The following TCF7L2 variants were observed in gnomAD, a reference collection of about 807,000 sequenced individuals.
TCF7L2 encodes the protein transcription factor 7 like 2.
Under a neutral mutation model 77.9 loss-of-function variants are expected in TCF7L2, and 23 were observed. The observed-to-expected ratio is 0.30, with a 90% CI of 0.21 to 0.42. The LOEUF (loss-of-function observed/expected upper bound fraction) is 0.42. Among genes scored for constraint, TCF7L2 ranks in the 10% least tolerant of loss-of-function variants. The probability of loss-of-function intolerance (pLI) is 1.00; values close to 1 mark genes in which losing one functional copy is unlikely to be tolerated. For missense variants in TCF7L2, 654 were observed against 793.1 expected, an observed-to-expected ratio of 0.82 and a Z score of 2.11; for synonymous variants, 413 against 340.2, an observed-to-expected ratio of 1.21 and a Z score of -2.36.
intron 5 of TCF7L2, among the ~76,000 whole-genome samples, chr10:113,113,102 A>G (rs2063330356): frequency 6.6e-6 from 1 of 152,140 alleles, no homozygotes; most frequent in African/African-American, 2.4e-5. Flanking sequence ...TAGGGACCTC[A>G]TGAGTGACAG....
At chr10:112,951,059 C>A in intron 1 of TCF7L2, 114 bp downstream of exon 1, 1 of 1,381,536 alleles carries the variant, frequency 7.2e-7, no homozygotes, top group Non-Finnish European at 9.8e-7. Flanking sequence ...CGGCGGGCGG[C>A]GTGTGCGTAC....
rs1166290875 is a variant in TCF7L2 at position 113,053,252 on chromosome 10, A to G, written c.552+13126A>G. Among the ~76,000 whole-genome samples, 3 of 152,154 alleles carry G rather than the reference A, an allele frequency of 2.0e-5. No homozygotes were observed. The East Asian group carries it at 5.8e-4, about 29-fold the overall frequency. On this transcript the variant is annotated intron_variant, in intron 5 of 13. Coordinates refer to ENST00000627217, the MANE Select transcript of TCF7L2 (RefSeq NM_001146274.2). ...AGGGCGGGCCATTGGCTTGGGGGAA[A>G]TGGGCTGAGACTCTAGGGGTGGCCA...
chr10:113,163,872 C>T (rs1002993000), intron 13 of TCF7L2, among the ~76,000 whole-genome samples: 1 of 152,152 alleles, frequency 6.6e-6, no homozygotes, highest in South Asian at 2.1e-4. Context: ...AGTCCAAACC[C>T]CAAGCACAGA....
At chr10:113,076,135 C>CAAAAAAA (rs34089010) in intron 5 of TCF7L2, among the ~76,000 whole-genome samples, 2 of 65,974 alleles carry the variant, frequency 3.0e-5, no homozygotes, top group African/African-American at 1.2e-4. Context: ...GACTCCATCT[C>CAAAAAAA]AAAAAAAAAA....
In TCF7L2 at chr10:113,111,800, TA is replaced by T. The variant is rs35774795; in HGVS notation, c.553-29380del. 2.1e-5 allele frequency among the ~76,000 whole-genome samples: 3 copies of T among 144,506 alleles called. No individual in the cohort carries two copies. In the South Asian group the frequency reaches 6.4e-4, roughly 31 times the overall value. The allele number at this position is 144,506 out of a possible 152,430, so 94.8% of individuals were successfully genotyped here. ...GAGTGACACCTTTTCTTTAAATAAA[TA>T]AAATAAATAAATAAATAAAATTATT... On this transcript the variant is annotated intron_variant, in intron 5 of 13. Coordinates refer to ENST00000627217, the MANE Select transcript of TCF7L2 (RefSeq NM_001146274.2).
At chr10:113,115,481 C>T (rs1002331067) in intron 5 of TCF7L2, among the ~76,000 whole-genome samples, 1 of 152,012 alleles carries the variant, frequency 6.6e-6, no homozygotes, top group Non-Finnish European at 1.5e-5. Flanking sequence ...AAATGACAAA[C>T]CTCTCATTTG....
At chr10:112,972,537 A>T (rs2038497502) in intron 4 of TCF7L2, among the ~76,000 whole-genome samples, 1 of 152,148 alleles carries the variant, frequency 6.6e-6, no homozygotes, top group Non-Finnish European at 1.5e-5. Flanking sequence ...TGGTGTGATC[A>T]TAGCTCACTG....
chr10:112,991,524 A>G (rs2042543356), intron 4 of TCF7L2, among the ~76,000 whole-genome samples: 1 of 144,976 alleles, frequency 6.9e-6, no homozygotes, highest in Non-Finnish European at 1.5e-5. Context: ...AAAAAGAAAG[A>G]AAAAAAAAGA....
intron 4 of TCF7L2, among the ~76,000 whole-genome samples, chr10:113,002,773 T>TA (rs947293523): frequency 1.3e-5 from 2 of 151,952 alleles, no homozygotes; most frequent in Non-Finnish European, 2.9e-5. Context: ...GACTTGTTCT[T>TA]AAAAAAAATG....
At chr10:113,054,641 A>G (rs1222871935) in intron 5 of TCF7L2, among the ~76,000 whole-genome samples, 2 of 152,232 alleles carry the variant, frequency 1.3e-5, no homozygotes, top group African/African-American at 2.4e-5. Flanking sequence ...CCTGCCACCT[A>G]AAATAACAAT....
chr10:113,048,314 G>T (rs1564824453), intron 5 of TCF7L2, among the ~76,000 whole-genome samples: 1 of 152,046 alleles, frequency 6.6e-6, no homozygotes, highest in Non-Finnish European at 1.5e-5. Flanking sequence ...TTCTTGTCTT[G>T]CTGATTAACT....
At chr10:113,161,005 T>C (rs113487993) in intron 13 of TCF7L2, among the ~76,000 whole-genome samples, 2 of 152,318 alleles carry the variant, frequency 1.3e-5, no homozygotes, top group African/African-American at 4.8e-5. Flanking sequence ...TCCGGCCCTA[T>C]GAATGCCTTG....
At chr10:113,135,112 C>T (rs947927234) in intron 5 of TCF7L2, among the ~76,000 whole-genome samples, 3 of 152,162 alleles carry the variant, frequency 2.0e-5, no homozygotes, top group Non-Finnish European at 4.4e-5. Flanking sequence ...GAGAGGGGGA[C>T]TAAGCAGAGG....
At position 112,958,898 on chromosome 10, in the gene TCF7L2, G is replaced by A. The variant is rs191533319; in HGVS notation, c.382-5658G>A. On this transcript the variant is annotated intron_variant, in intron 3 of 13. Coordinates refer to ENST00000627217, the MANE Select transcript of TCF7L2 (RefSeq NM_001146274.2). ...GTTGCAGCACTGCGACTGCTAAGTG[G>A]AGTAATGATGGGGCATCATTTTAAG... Among the ~76,000 whole-genome samples, 18 of 152,266 alleles carry A rather than the reference G, an allele frequency of 1.2e-4. 1 individual carries two copies. The East Asian group carries it at 3.3e-3, about 28-fold the overall frequency.
chr10:113,094,088 CGTG>C (rs2060679481), intron 5 of TCF7L2, among the ~76,000 whole-genome samples: 9 of 152,140 alleles, frequency 5.9e-5, no homozygotes, highest in Non-Finnish European at 1.2e-4. Context: ...TGTGTGTGCG[CGTG>C]CACGCGCATG....
At chr10:113,110,061 T>TTAA (rs2062923475) in intron 5 of TCF7L2, among the ~76,000 whole-genome samples, 1 of 152,210 alleles carries the variant, frequency 6.6e-6, no homozygotes, top group Non-Finnish European at 1.5e-5. Context: ...TTATAAAATG[T>TTAA]TAAACACGTC....
At chr10:113,107,367 G>T (rs1232631763) in intron 5 of TCF7L2, among the ~76,000 whole-genome samples, 2 of 152,022 alleles carry the variant, frequency 1.3e-5, no homozygotes, top group Admixed American at 1.3e-4. Context: ...TCCCACAAAA[G>T]AAGTTAAGCC....
intron 4 of TCF7L2, among the ~76,000 whole-genome samples, chr10:112,964,883 G>C (rs1180259551): frequency 1.3e-5 from 2 of 151,834 alleles, no homozygotes; most frequent in African/African-American, 4.8e-5. Context: ...CTGCTGAAAT[G>C]ATTTAGAGAT....
chr10:113,163,130 C>CA (rs2073454499), intron 13 of TCF7L2, among the ~76,000 whole-genome samples: 1 of 152,132 alleles, frequency 6.6e-6, no homozygotes, highest in Non-Finnish European at 1.5e-5. Flanking sequence ...ACCCATTGCT[C>CA]TGTCGCCATA....
Sources: gnomAD v4.1 joint callset for allele counts (sites outside exome capture counted in the v4.1 genomes callset) on GRCh38, gnomAD v4.1.1 for gene constraint, MANE v1.5 for transcripts, NCBI Gene and HGNC (gene_info 2026-07-23, HGNC 2026-07-21) for gene names.